The following PPME1 variants were observed in gnomAD, a reference collection of about 807,000 sequenced individuals.
PPME1 encodes the protein testicular secretory protein Li 39.
A neutral mutation model predicts 56.9 loss-of-function variants in PPME1; 17 were observed. The ratio of observed to expected loss-of-function variants is 0.30; its 90% CI spans 0.20 to 0.45. PPME1 has a LOEUF of 0.45. Ranked by LOEUF, PPME1 falls within the 20% of genes least tolerant of loss-of-function variation. The probability of loss-of-function intolerance (pLI) is 1.00; values close to 1 mark genes in which losing one functional copy is unlikely to be tolerated. For synonymous variants in PPME1, 122 were observed against 156.2 expected (o/e 0.78, Z 1.63); for missense variants, 357 against 483.2 (o/e 0.74, Z 2.45).
chr11:74,171,681 C>T (rs1857236100), intron 1 of PPME1, among the ~76,000 whole-genome samples, 159 bp downstream of exon 1: 1 of 151,882 alleles, frequency 6.6e-6, no homozygotes, highest in Non-Finnish European at 1.5e-5. Flanking sequence ...GATTGGGGTA[C>T]TAGGGGAGGC....
intron 3 of PPME1, among the ~76,000 whole-genome samples, chr11:74,220,096 C>G (rs1858758400): frequency 1.3e-5 from 2 of 151,962 alleles, no homozygotes; most frequent in African/African-American, 4.8e-5. Flanking sequence ...TCAAATTAGC[C>G]AAAATTAAGT....
chr11:74,239,012 C>G lies in PPME1; in HGVS notation c.711-121C>G, dbSNP rs185249016. The G allele has an allele frequency of 4.2e-3, 4,089 of 971,936 alleles. 48 individuals are homozygous for G. Among genetic ancestry groups the G allele is most frequent in the Middle Eastern group, 0.029 (89 of 3,090 alleles). The allele number at this position is 971,936 out of a possible 1,614,324, so 60.2% of individuals were successfully genotyped here. A position where few individuals can be genotyped will look rare whatever the true frequency, so the allele number is the denominator to read the frequency against. On this transcript the variant is annotated intron_variant, in intron 8 of 13. Coordinates refer to ENST00000328257, the MANE Select transcript of PPME1 (RefSeq NM_016147.3). ...GGAAATGCACAATTCTATCCTCCTA[C>G]CAGGATGATTGTTAAGTTTTAGCTA... is the stretch of plus-strand genomic sequence containing the variant.
intron 12 of PPME1, chr11:74,251,301 T>A (rs747521755): frequency 3.7e-6 from 5 of 1,364,126 alleles, no homozygotes; most frequent in Non-Finnish European, 4.7e-6. Context: ...AAGCCAGAGA[T>A]GGAAGAGGGA....
At chr11:74,207,788 TA>T (rs1826099415) in intron 3 of PPME1, among the ~76,000 whole-genome samples, 1 of 152,166 alleles carries the variant, frequency 6.6e-6, no homozygotes, top group Non-Finnish European at 1.5e-5. Context: ...GGGATCTCAT[TA>T]GCACATGCAG....
intron 1 of PPME1, among the ~76,000 whole-genome samples, chr11:74,202,234 T>A (rs953197260): frequency 1.3e-5 from 2 of 152,212 alleles, no homozygotes. Context: ...ATAGTGCCTC[T>A]CTCAACATGG....
intron 1 of PPME1, among the ~76,000 whole-genome samples, chr11:74,194,636 CA>C (rs1857933462): frequency 6.6e-6 from 1 of 151,714 alleles, no homozygotes; most frequent in Non-Finnish European, 1.5e-5. Context: ...ATTTTTCACA[CA>C]AATACTTACA....
intron 1 of PPME1, among the ~76,000 whole-genome samples, chr11:74,183,638 ATAAAG>A (rs1277059229): frequency 6.6e-6 from 1 of 152,158 alleles, no homozygotes; most frequent in Non-Finnish European, 1.5e-5. Context: ...ATTCTAAGTG[ATAAAG>A]TATTGTGTCA....
intron 8 of PPME1, chr11:74,238,661 A>C (rs1254993270): frequency 6.6e-6 from 1 of 152,336 alleles, no homozygotes; most frequent in Non-Finnish European, 1.5e-5. Context: ...CTGTCAGCTA[A>C]TTAAAAAGTG....
intron 1 of PPME1, among the ~76,000 whole-genome samples, chr11:74,174,207 G>A (rs1318612901): frequency 6.6e-6 from 1 of 152,108 alleles, no homozygotes; most frequent in Non-Finnish European, 1.5e-5. Flanking sequence ...ATAAATGAGG[G>A]AACTGAGACT....
intron 4 of PPME1, among the ~76,000 whole-genome samples, chr11:74,223,735 TG>T (rs1858861841): frequency 8.0e-6 from 1 of 124,862 alleles, no homozygotes; most frequent in African/African-American, 3.3e-5. Flanking sequence ...GCTGCATAAA[TG>T]TCTTCTTTTG....
intron 3 of PPME1, among the ~76,000 whole-genome samples, chr11:74,221,126 A>C (rs1858788972): frequency 6.6e-6 from 1 of 152,178 alleles, no homozygotes; most frequent in South Asian, 2.1e-4. Flanking sequence ...CTATGATTGT[A>C]AATCATTGCT....
At chr11:74,185,527 A>G (rs1857656719) in intron 1 of PPME1, among the ~76,000 whole-genome samples, 1 of 151,922 alleles carries the variant, frequency 6.6e-6, no homozygotes, top group South Asian at 2.1e-4. Flanking sequence ...AAGCAACTGC[A>G]TTAGCCTTTG....
chr11:74,242,259 G>T (rs974881923), intron 9 of PPME1, among the ~76,000 whole-genome samples: 1 of 152,024 alleles, frequency 6.6e-6, no homozygotes, highest in African/African-American at 2.4e-5. Flanking sequence ...AATTGTCTTG[G>T]CACCTTTGCT....
At chr11:74,220,552 T>A (rs1243896618) in intron 3 of PPME1, among the ~76,000 whole-genome samples, 1 of 152,218 alleles carries the variant, frequency 6.6e-6, no homozygotes, top group Non-Finnish European at 1.5e-5. Context: ...ATTAGCTATT[T>A]AGCCTTGGGC....
chr11:74,196,768 G>A (rs1285884196), intron 1 of PPME1, among the ~76,000 whole-genome samples: 1 of 152,158 alleles, frequency 6.6e-6, no homozygotes, highest in African/African-American at 2.4e-5. Context: ...TCTGCTACAA[G>A]GGTTTGTGAT....
chr11:74,238,254 AC>A (rs1859248137), intron 8 of PPME1: 1 of 152,186 alleles, frequency 6.6e-6, no homozygotes, highest in African/African-American at 2.4e-5. Context: ...ACTTAACAAA[AC>A]ATTTGTGAAC....
intron 12 of PPME1, chr11:74,251,408 A>G: frequency 7.3e-7 from 1 of 1,374,404 alleles, no homozygotes; most frequent in South Asian, 1.9e-5. Context: ...CTCTGAGGGC[A>G]CACATAAGCC....
intron 9 of PPME1, among the ~76,000 whole-genome samples, chr11:74,239,475 C>G (rs1368862981): frequency 6.6e-6 from 1 of 152,128 alleles, no homozygotes; most frequent in Non-Finnish European, 1.5e-5. Flanking sequence ...ATACCCTCCC[C>G]TAAAACAGAC....
chr11:74,186,987 T>C (rs543552305), intron 1 of PPME1, among the ~76,000 whole-genome samples: 88 of 152,346 alleles, frequency 5.8e-4, no homozygotes, highest in African/African-American at 2.0e-3. Flanking sequence ...TATCCCAGTA[T>C]GATTTAATTG....
Sources: gnomAD v4.1 joint callset for allele counts (sites outside exome capture counted in the v4.1 genomes callset) on GRCh38, gnomAD v4.1.1 for gene constraint, MANE v1.5 for transcripts, NCBI Gene and HGNC (gene_info 2026-07-23, HGNC 2026-07-21) for gene names.